The following LRRC74B variants were observed in gnomAD, a reference collection of about 807,000 sequenced individuals.
The protein encoded by LRRC74B is leucine-rich repeat-containing protein 74B.
Under a neutral mutation model 16.6 loss-of-function variants are expected in LRRC74B, and 30 were observed. The ratio of observed to expected loss-of-function variants is 1.80; its 90% CI spans 1.35 to 2.45. The LOEUF (loss-of-function observed/expected upper bound fraction) is 2.45, where lower values mean the gene tolerates loss of function less well. Ranked by LOEUF, LRRC74B falls within the 30% of genes most tolerant of loss-of-function variation. LRRC74B has a pLI of 0.00. For missense variants in LRRC74B, 326 were observed against 202.4 expected, an observed-to-expected ratio of 1.61 and a Z score of -3.71; for synonymous variants, 134 against 86.0, an observed-to-expected ratio of 1.56 and a Z score of -3.09.
At position 21,047,604 on chromosome 22, in the gene LRRC74B, CTGTGT is replaced by C. The variant is rs2148132883; in HGVS notation, c.282+107_282+111del. The C allele has an allele frequency of 6.2e-6, 4 of 648,088 alleles. No homozygotes were observed. In the East Asian group the frequency reaches 1.1e-4, roughly 18 times the overall value. The allele number at this position is 648,088 out of a possible 1,614,324, so 40.1% of individuals were successfully genotyped here. A position where few individuals can be genotyped will look rare whatever the true frequency, so the allele number is the denominator to read the frequency against. ...GTCCCCTACACTCCCCAGCTTCTGCCTGTGTCAGTCATGCCCTACCCTCCACATCT... is the reference window on the plus strand; with the variant it reads ...GTCCCCTACACTCCCCAGCTTCTGCCCAGTCATGCCCTACCCTCCACATCT... On this transcript the variant is annotated intron_variant, in intron 2 of 8. Coordinates refer to ENST00000442047, the Ensembl canonical transcript of LRRC74B.
At chr22:21,056,799 C>T (rs183890683) in intron 7 of LRRC74B, 7 of 323,290 alleles carry the variant, frequency 2.2e-5, no homozygotes, top group East Asian at 2.1e-4. Flanking sequence ...TCACTCACTG[C>T]GCTGATCACA....
intron 4 of LRRC74B, among the ~76,000 whole-genome samples, chr22:21,050,777 CAAAAAAAAAAAA>C (rs71188205): frequency 9.6e-6 from 1 of 104,178 alleles, no homozygotes; most frequent in South Asian, 3.1e-4. Flanking sequence ...GACTCTGTCT[CAAAAAAAAAAAA>C]AAAAAAAAAA....
intron 5 of LRRC74B, among the ~76,000 whole-genome samples, chr22:21,052,821 C>T (rs1249459924): frequency 1.3e-5 from 2 of 152,306 alleles, no homozygotes; most frequent in East Asian, 3.9e-4. Context: ...TGCAATGTCC[C>T]CAGTGCCAGA....
chr22:21,062,410 T>A (rs1362422269), downstream of LRRC74B: 1 of 152,120 alleles, frequency 6.6e-6, no homozygotes, highest in African/African-American at 2.4e-5. Context: ...TTGAGCCTAG[T>A]GGTATTAAAA....
At position 21,047,069 on chromosome 22, in the gene LRRC74B, G is replaced by T. The variant is rs566700304; in HGVS notation, c.140-287G>T. Among the ~76,000 whole-genome samples the T allele has an allele frequency of 2.0e-5, 3 of 151,716 alleles. No homozygotes were observed. In the South Asian group the frequency reaches 6.3e-4, roughly 32 times the overall value. On this transcript the variant is annotated intron_variant, in intron 1 of 8. Coordinates refer to ENST00000442047, the Ensembl canonical transcript of LRRC74B. Reference sequence around the variant, plus strand: ...GATCGTGCCACTGCATTCCAGCCTGGGTGACAGAGCAAGAGTCTGTCTCGA... The same window carrying T: ...GATCGTGCCACTGCATTCCAGCCTGTGTGACAGAGCAAGAGTCTGTCTCGA...
chr22:21,056,209 A>G (rs1420446391), intron 7 of LRRC74B, among the ~76,000 whole-genome samples: 5 of 152,286 alleles, frequency 3.3e-5, no homozygotes, highest in Non-Finnish European at 7.4e-5. Context: ...TGAGTGCATC[A>G]TGTCATGCGG....
intron 4 of LRRC74B, among the ~76,000 whole-genome samples, chr22:21,051,693 G>A (rs1417141227): frequency 1.3e-5 from 2 of 152,170 alleles, no homozygotes; most frequent in African/African-American, 4.8e-5. Flanking sequence ...TGTATGTGCT[G>A]CCTAAGCCCC....
At chr22:21,047,048 G>A (rs1164806803) in intron 1 of LRRC74B, among the ~76,000 whole-genome samples, 1 of 151,262 alleles carries the variant, frequency 6.6e-6, no homozygotes, top group African/African-American at 2.4e-5. Flanking sequence ...AGCCGAGATC[G>A]TGCCACTGCA....
chr22:21,052,685 G>A (rs554304223), intron 5 of LRRC74B, among the ~76,000 whole-genome samples: 27 of 152,288 alleles, frequency 1.8e-4, no homozygotes, highest in South Asian at 1.0e-3. Context: ...GGTTTCCTGA[G>A]ATGACACCTT....
chr22:21,056,772 G>C lies in LRRC74B; in HGVS notation c.928-333G>C, dbSNP rs1601821734. ...CTCCCCTCCCAGCCTTTCCCTCCCAGGGGAGCTGGTGCACACTCACTCACT... is the reference window on the plus strand; with the variant it reads ...CTCCCCTCCCAGCCTTTCCCTCCCACGGGAGCTGGTGCACACTCACTCACT... On this transcript the variant is annotated intron_variant, in intron 7 of 8. Coordinates refer to ENST00000442047, the Ensembl canonical transcript of LRRC74B. The C allele has an allele frequency of 3.2e-5, 8 of 249,206 alleles. No homozygotes were observed. In the East Asian group the frequency reaches 7.5e-4, roughly 23 times the overall value. 15.4% of individuals were successfully genotyped at this position (249,206 alleles called of 1,614,324 possible).
intron 4 of LRRC74B, among the ~76,000 whole-genome samples, chr22:21,049,739 G>C (rs924284441): frequency 6.6e-6 from 1 of 152,042 alleles, no homozygotes; most frequent in African/African-American, 2.4e-5. Flanking sequence ...GGGCAGAGGG[G>C]GCTGCAGGGC....
At chr22:21,051,703 C>A (rs1010515624) in intron 4 of LRRC74B, among the ~76,000 whole-genome samples, 2 of 152,236 alleles carry the variant, frequency 1.3e-5, no homozygotes, top group Non-Finnish European at 2.9e-5. Context: ...GCCTAAGCCC[C>A]TTGGCTTGGC....
At chr22:21,057,079 C>G (rs768723782) in intron 7 of LRRC74B, 26 bp from the exon 8 acceptor site, 7 of 716,790 alleles carry the variant, frequency 9.8e-6, no homozygotes, top group East Asian at 2.7e-5. Flanking sequence ...CCTGGCTTCT[C>G]GCAGCTTTGT....
Position 21,055,610 on chromosome 22 carries a change from G to A in LRRC74B, c.927+434G>A, listed in dbSNP as rs116802906. ...GAGGGAGTGCTGAGCAGGACAGGGA[G>A]CAGAAGACAGACACAGGAGGGAGGC... On this transcript the variant is annotated intron_variant, in intron 7 of 8. Coordinates refer to ENST00000442047, the Ensembl canonical transcript of LRRC74B. Among the ~76,000 whole-genome samples, 1,103 of 152,248 alleles carry A rather than the reference G, an allele frequency of 7.2e-3. 15 individuals carry two copies. Among genetic ancestry groups the A allele is most frequent in the African/African-American group, 0.025 (1,048 of 41,526 alleles).
intron 5 of LRRC74B, 47 bp from the exon 6 acceptor site, chr22:21,053,313 C>T (rs1327737670): frequency 2.8e-6 from 2 of 705,854 alleles, no homozygotes; most frequent in East Asian, 5.4e-5. Flanking sequence ...CCCTGGCTTG[C>T]TCCACTGTCA....
chr22:21,050,109 T>C (rs948837342), intron 4 of LRRC74B, among the ~76,000 whole-genome samples: 2 of 152,158 alleles, frequency 1.3e-5, no homozygotes, highest in African/African-American at 4.8e-5. Flanking sequence ...TGATCTCTGC[T>C]CACTGCAGCC....
downstream of LRRC74B, chr22:21,063,091 A>T (rs1019160995): frequency 1.3e-5 from 2 of 151,752 alleles, no homozygotes; most frequent in African/African-American, 2.4e-5. Flanking sequence ...GCTTGCCTGT[A>T]GGCCCAGCCT....
chr22:21,058,542 T>C (rs1295651757), intron 8 of LRRC74B, among the ~76,000 whole-genome samples: 1 of 152,042 alleles, frequency 6.6e-6, no homozygotes, highest in Non-Finnish European at 1.5e-5. Context: ...ACAAAAAAAA[T>C]TGAGTTACAA....
At chr22:21,046,188 G>A (rs976319863) in intron 1 of LRRC74B, 63 bp downstream of exon 1, 2 of 706,152 alleles carry the variant, frequency 2.8e-6, no homozygotes, top group Non-Finnish European at 5.2e-6. Context: ...GCAGGGGTTG[G>A]GGGAGGCGGG....
Sources: gnomAD v4.1 joint callset for allele counts (sites outside exome capture counted in the v4.1 genomes callset) on GRCh38, gnomAD v4.1.1 for gene constraint, MANE v1.5 for transcripts, NCBI Gene and HGNC (gene_info 2026-07-23, HGNC 2026-07-21) for gene names.